The following ZNF83 variants were observed in gnomAD, a reference collection of about 807,000 sequenced individuals.
ZNF83 encodes zinc finger protein 83.
For synonymous variants in ZNF83, 209 were observed against 213.0 expected (o/e 0.98, Z 0.17); for missense variants, 552 against 629.9 (o/e 0.88, Z 1.32).
At chr19:52,627,934 C>T (rs914046189) in intron 2 of ZNF83, among the ~76,000 whole-genome samples, 4 of 152,090 alleles carry the variant, frequency 2.6e-5, no homozygotes, top group African/African-American at 7.2e-5. Flanking sequence ...TAACTGATGA[C>T]ACTGTCTTTT....
intron 3 of ZNF83, chr19:52,653,253 C>A: frequency 2.0e-6 from 3 of 1,499,572 alleles, no homozygotes; most frequent in Non-Finnish European, 1.8e-6. Context: ...CAGTATGAAG[C>A]CTATAATGAC....
chr19:52,617,561 T>C (rs971030296), intron 2 of ZNF83: 2 of 152,082 alleles, frequency 1.3e-5, no homozygotes, highest in Non-Finnish European at 1.5e-5. Flanking sequence ...TGAAACCCTG[T>C]CTCTACTAAA....
At chr19:52,620,586 T>C (rs1894339233) in intron 2 of ZNF83, among the ~76,000 whole-genome samples, 1 of 152,196 alleles carries the variant, frequency 6.6e-6, no homozygotes, top group Non-Finnish European at 1.5e-5. Context: ...TAGCCATATT[T>C]ACTAATATGA....
chr19:52,656,868 A>AAAG (rs1156245817), intron 2 of ZNF83, among the ~76,000 whole-genome samples: 1 of 33,346 alleles, frequency 3.0e-5, no homozygotes, highest in Non-Finnish European at 5.0e-5. Flanking sequence ...CCGTCTCAAA[A>AAAG]AAAAAAAAAA....
chr19:52,689,951 C>G (rs907292726), intron 1 of ZNF83, among the ~76,000 whole-genome samples: 1 of 152,176 alleles, frequency 6.6e-6, no homozygotes, highest in Non-Finnish European at 1.5e-5. Context: ...TGGGGAGCAG[C>G]AGGGCCCGGC....
At chr19:52,655,353 A>G in intron 3 of ZNF83, 1 of 490,720 alleles carries the variant, frequency 2.0e-6, no homozygotes, top group East Asian at 3.7e-5. Context: ...CAAAGTGTTC[A>G]TGAATGTTCT....
At chr19:52,680,737 C>T (rs1428391286) in intron 1 of ZNF83, among the ~76,000 whole-genome samples, 5 of 142,220 alleles carry the variant, frequency 3.5e-5, no homozygotes, top group South Asian at 2.2e-4. Flanking sequence ...CTCAGCCTCC[C>T]GAGTAACTGG....
At chr19:52,625,648 T>G (rs948292348) in intron 2 of ZNF83, among the ~76,000 whole-genome samples, 5 of 152,174 alleles carry the variant, frequency 3.3e-5, no homozygotes, top group African/African-American at 1.2e-4. Context: ...AAAACATTAT[T>G]GCTTAGGAAA....
chr19:52,612,890 G>T (rs112408119), exon 3 of ZNF83: 10 of 781,966 alleles, frequency 1.3e-5, no homozygotes, highest in Non-Finnish European at 1.8e-5. Flanking sequence ...TCTAGCTAAC[G>T]GTTATTAAGC....
At chr19:52,628,210 C>G (rs2060814996) in intron 2 of ZNF83, among the ~76,000 whole-genome samples, 2 of 152,186 alleles carry the variant, frequency 1.3e-5, no homozygotes, top group Non-Finnish European at 2.9e-5. Context: ...TGCCATGACT[C>G]AGATTGGGGG....
intron 1 of ZNF83, among the ~76,000 whole-genome samples, chr19:52,686,934 C>G (rs980158624): frequency 2.0e-5 from 3 of 151,924 alleles, no homozygotes; most frequent in Non-Finnish European, 4.4e-5. Context: ...GTAATCCCAG[C>G]ACTTTGGGAG....
chr19:52,629,294 C>T (rs887217355), intron 2 of ZNF83, among the ~76,000 whole-genome samples: 3 of 152,112 alleles, frequency 2.0e-5, no homozygotes, highest in South Asian at 2.1e-4. Flanking sequence ...TTTTACACAT[C>T]GGTCCCTGTG....
chr19:52,624,770 T>TA (rs1449165623), intron 2 of ZNF83, among the ~76,000 whole-genome samples: 1 of 152,170 alleles, frequency 6.6e-6, no homozygotes, highest in Non-Finnish European at 1.5e-5. Flanking sequence ...ACCACCACCC[T>TA]AATACTTTTA....
At chr19:52,614,064 A>G (rs2060216381) in exon 3 of ZNF83, 1 of 1,613,218 alleles carries the variant, frequency 6.2e-7, no homozygotes, top group African/African-American at 1.3e-5. Flanking sequence ...GAATCCTGCG[A>G]TGCTGTGCAA....
At chr19:52,631,282 C>A (rs569844317) in intron 2 of ZNF83, among the ~76,000 whole-genome samples, 1 of 152,238 alleles carries the variant, frequency 6.6e-6, no homozygotes, top group African/African-American at 2.4e-5. Context: ...CAATCCCTTA[C>A]AAAACAACAA....
At position 52,681,933 on chromosome 19, in the gene ZNF83, G is replaced by A. The variant is rs550298363; in HGVS notation, c.-283+8510C>T. ...CACAATCTCAGCTCACTGCAACCTC[G>A]TTTGCCCAGGTCTAAGCAATTCTCC... On this transcript the variant is annotated intron_variant, in intron 1 of 5. Coordinates refer to the ZNF83 transcript ENST00000594682. 6.6e-5 allele frequency among the ~76,000 whole-genome samples: 10 copies of A among 152,194 alleles called. No homozygotes were observed. In the East Asian group the frequency reaches 1.2e-3, roughly 18 times the overall value.
chr19:52,612,795 G>T, exon 3 of ZNF83: 1 of 496,594 alleles, frequency 2.0e-6, no homozygotes, highest in South Asian at 4.0e-5. Context: ...TCACCAGCAA[G>T]AATTCTTTGA....
rs964995201 is a variant in ZNF83 at position 52,632,665 on chromosome 19, G to A, written c.-234+2401C>T. On this transcript the variant is annotated intron_variant, in intron 2 of 2. Coordinates refer to ENST00000301096, the Ensembl canonical transcript of ZNF83. ...TAAATAAATAATCTTTACTGGCAAG[G>A]CTATGCTGAACCTCCTTAGGCACTC... Among the ~76,000 whole-genome samples the A allele has an allele frequency of 5.9e-5, 3 of 50,812 alleles. No homozygotes were observed. In the African/African-American group the frequency reaches 6.9e-4, roughly 12 times the overall value. The allele number at this position is 50,812 out of a possible 152,430, so 33.3% of individuals were successfully genotyped here. A position where few individuals can be genotyped will look rare whatever the true frequency, so the allele number is the denominator to read the frequency against.
At chr19:52,654,037 T>C (rs1166966168) in intron 3 of ZNF83, 21 of 1,578,128 alleles carry the variant, frequency 1.3e-5, no homozygotes, top group Admixed American at 3.4e-5. Context: ...CAAGGAAGCA[T>C]TGTTGATAGA....
Sources: gnomAD v4.1 joint callset for allele counts (sites outside exome capture counted in the v4.1 genomes callset) on GRCh38, gnomAD v4.1.1 for gene constraint, MANE v1.5 for transcripts, NCBI Gene and HGNC (gene_info 2026-07-23, HGNC 2026-07-21) for gene names.